Variants in ACAP2 observed in about 807,000 individuals in gnomAD.
ACAP2 encodes arf-GAP with coiled-coil, ANK repeat and PH domain-containing protein 2.
Under a neutral mutation model 115.8 loss-of-function variants are expected in ACAP2, and 39 were observed. The observed-to-expected ratio is 0.34, with a 90% confidence interval of 0.26 to 0.44. The LOEUF (loss-of-function observed/expected upper bound fraction) is 0.44, where lower values mean the gene tolerates loss of function less well. Among genes scored for constraint, ACAP2 ranks in the 20% least tolerant of loss-of-function variants. The probability of loss-of-function intolerance (pLI) is 1.00; values close to 1 mark genes in which losing one functional copy is unlikely to be tolerated. For synonymous variants in ACAP2, 289 were observed against 315.8 expected (o/e 0.92, Z 0.90); for missense variants, 662 against 927.6 (o/e 0.71, Z 3.72).
chr3:195,351,403 C>T (rs945976922), intron 4 of ACAP2, among the ~76,000 whole-genome samples: 7 of 151,032 alleles, frequency 4.6e-5, no homozygotes, highest in Non-Finnish European at 8.8e-5. Context: ...AGGCGTGAGT[C>T]ACCACGCCAG....
intron 1 of ACAP2, among the ~76,000 whole-genome samples, chr3:195,411,853 T>G (rs1277945375): frequency 1.3e-5 from 2 of 149,500 alleles, no homozygotes; most frequent in East Asian, 3.9e-4. Flanking sequence ...GAGACTAGCC[T>G]GGACAACAAA....
At position 195,294,736 on chromosome 3, in the gene ACAP2, T is replaced by C. The variant is rs558456301; in HGVS notation, c.1748A>G (p.Asn583Ser). 4.6e-5 allele frequency: 74 copies of C among 1,606,990 alleles called. No homozygotes were observed. In the Admixed American group the frequency reaches 9.4e-4, roughly 20 times the overall value. The change falls in exon 18 of 23, where the codon AAT becomes AGT. Residue 583 changes from asparagine (N) to serine (S), a missense_variant. Physicochemically the swap from Asn to Ser is conservative, Grantham distance 46. Around this residue, in one of 3 missense-constraint regions of ACAP2, gnomAD observed 133 missense variants for 123.1 expected, o/e 1.08. Coordinates refer to ENST00000326793, the MANE Select transcript of ACAP2 (RefSeq NM_012287.6). ...RESLPSTVSA[N>S]SLYEPEGERQ... ...GAACTCACCAGGCTCATATAAACTA[T>C]TGGCTGACACCGTGGAGGGTAAAGA... is the stretch of plus-strand genomic sequence containing the variant.
In ACAP2 at chr3:195,307,327, T is replaced by A. The variant is rs758554266; in HGVS notation, c.910-4A>T. ...CAACTACCACAGTCGGATTATCCTATAGTGAGGAAACCAAATTTCCATATT... is the reference window on the plus strand; with the variant it reads ...CAACTACCACAGTCGGATTATCCTAAAGTGAGGAAACCAAATTTCCATATT... On this transcript the variant is annotated splice_region_variant and splice_polypyrimidine_tract_variant and intron_variant, in intron 11 of 22. Transcript: ENST00000326793. The A allele has an allele frequency of 3.8e-6, 6 of 1,591,178 alleles. No homozygotes were observed. Among genetic ancestry groups the A allele is most frequent in the African/African-American group, 1.3e-5 (1 of 74,138 alleles).
At chr3:195,321,621 CT>C (rs34753938) in intron 9 of ACAP2, among the ~76,000 whole-genome samples, 113,967 of 140,184 alleles carry the variant, frequency 0.81, 46,140 homozygotes, top group East Asian at 0.94. Flanking sequence ...TTTTTTTTTT[CT>C]TTTTTTTTTG....
intron 4 of ACAP2, among the ~76,000 whole-genome samples, chr3:195,373,920 C>CA (rs1733344013): frequency 6.6e-6 from 1 of 151,698 alleles, no homozygotes; most frequent in African/African-American, 2.4e-5. Flanking sequence ...GACTCTGTCT[C>CA]AAAAAAACAT....
intron 1 of ACAP2, among the ~76,000 whole-genome samples, chr3:195,439,345 A>G (rs1437117643): frequency 9.2e-5 from 14 of 151,588 alleles, no homozygotes; most frequent in Admixed American, 9.2e-4. Context: ...ATGCCCAACT[A>G]ATTTTTTTAT....
At chr3:195,366,044 G>A (rs922442849) in intron 4 of ACAP2, among the ~76,000 whole-genome samples, 13 of 151,956 alleles carry the variant, frequency 8.6e-5, no homozygotes, top group African/African-American at 1.2e-4. Context: ...GTTTCACCAC[G>A]TTGGCCAGGC....
At chr3:195,340,861 T>G (rs1304447660) in intron 6 of ACAP2, among the ~76,000 whole-genome samples, 18 of 152,140 alleles carry the variant, frequency 1.2e-4, no homozygotes, top group Admixed American at 1.2e-3. Flanking sequence ...CCAGTATCCT[T>G]TCCTCCAAAA....
At chr3:195,284,637 T>C (rs1172960543) in intron 22 of ACAP2, among the ~76,000 whole-genome samples, 1 of 152,198 alleles carries the variant, frequency 6.6e-6, no homozygotes, top group East Asian at 1.9e-4. Flanking sequence ...TAACTATATA[T>C]TAATCTCGTT....
intron 4 of ACAP2, among the ~76,000 whole-genome samples, chr3:195,347,026 C>CATCTT (rs2108658868): frequency 6.6e-6 from 1 of 152,032 alleles, no homozygotes; most frequent in African/African-American, 2.4e-5. Context: ...AACTGTTGTG[C>CATCTT]ATCTTGATTT....
intron 1 of ACAP2, among the ~76,000 whole-genome samples, chr3:195,419,239 C>A (rs577365539): frequency 6.6e-6 from 1 of 152,178 alleles, no homozygotes; most frequent in Non-Finnish European, 1.5e-5. Flanking sequence ...CCCATTACCT[C>A]TTTCCCTGCG....
intron 7 of ACAP2, among the ~76,000 whole-genome samples, chr3:195,333,473 T>TTA (rs1730306808): frequency 1.3e-5 from 2 of 152,204 alleles, no homozygotes. Flanking sequence ...AGTCCTGGGA[T>TTA]TATAGGCGTG....
chr3:195,350,732 A>T (rs1577341124), intron 4 of ACAP2, among the ~76,000 whole-genome samples: 1 of 151,772 alleles, frequency 6.6e-6, no homozygotes, highest in Non-Finnish European at 1.5e-5. Context: ...TTATTCATTT[A>T]TTTTTTTTAC....
intron 4 of ACAP2, among the ~76,000 whole-genome samples, chr3:195,376,530 G>A (rs1368177459): frequency 2.6e-5 from 4 of 152,160 alleles, no homozygotes; most frequent in East Asian, 1.9e-4. Context: ...GAGAGAAAGC[G>A]AGACTCCATT....
Position 195,422,791 on chromosome 3 carries a change from A to C in ACAP2, c.53+20004T>G, listed in dbSNP as rs536234720. On this transcript the variant is annotated intron_variant, in intron 1 of 22. Coordinates refer to ENST00000326793, the MANE Select transcript of ACAP2 (RefSeq NM_012287.6). ...ATGATGAGCCTCCAAAATCCTTAAC[A>C]TGACATAAAATATCTTGCATGATTT... 3.8e-4 allele frequency among the ~76,000 whole-genome samples: 58 copies of C among 152,300 alleles called. No individual in the cohort carries two copies. The Middle Eastern group carries it at 0.017, about 45-fold the overall frequency.
chr3:195,355,020 T>C (rs1272423089), intron 4 of ACAP2, among the ~76,000 whole-genome samples: 1 of 152,122 alleles, frequency 6.6e-6, no homozygotes, highest in Admixed American at 6.5e-5. Flanking sequence ...TGTGCCACCA[T>C]GCTCAGTTGA....
intron 1 of ACAP2, among the ~76,000 whole-genome samples, chr3:195,431,074 T>C (rs1715079200): frequency 6.6e-6 from 1 of 152,288 alleles, no homozygotes; most frequent in Admixed American, 6.5e-5. Context: ...CCCCTAGAAA[T>C]CACTAATCTA....
At chr3:195,308,475 T>G (rs1045284863) in intron 11 of ACAP2, among the ~76,000 whole-genome samples, 1 of 152,162 alleles carries the variant, frequency 6.6e-6, no homozygotes, top group Admixed American at 6.5e-5. Flanking sequence ...AAATAGCACA[T>G]GTACCACAAA....
At chr3:195,402,345 A>G (rs1230617015) in intron 1 of ACAP2, among the ~76,000 whole-genome samples, 3 of 152,090 alleles carry the variant, frequency 2.0e-5, no homozygotes, top group African/African-American at 4.8e-5. Flanking sequence ...TGTGATTCCA[A>G]TCTGCTGTGC....
Sources: allele counts gnomAD v4.1 joint callset (sites outside exome capture counted in the v4.1 genomes callset), GRCh38; gene constraint gnomAD v4.1.1; regional missense constraint gnomAD v4.1.1; transcripts MANE v1.5; gene names NCBI Gene and HGNC (gene_info 2026-07-23, HGNC 2026-07-21).